MAPDA: variants seen among roughly 807,000 people sequenced by gnomAD.
MAPDA encodes N6,N6-dimethyl-AMP deaminase.
the MAPDA span, among the ~76,000 whole-genome samples, chr15:43,332,687 A>T: frequency 1.3e-5 from 2 of 152,194 alleles, no homozygotes; most frequent in Non-Finnish European, 2.9e-5. Flanking sequence ...ACTATCTAAG[A>T]CACCACAGTG....
the MAPDA span, among the ~76,000 whole-genome samples, chr15:43,346,178 C>T: frequency 6.6e-6 from 1 of 151,924 alleles, no homozygotes; most frequent in Non-Finnish European, 1.5e-5. Flanking sequence ...CAATTAAGTA[C>T]CCTAAAAGAA....
At chr15:43,348,041 C>T in the MAPDA span, among the ~76,000 whole-genome samples, 1 of 152,198 alleles carries the variant, frequency 6.6e-6, no homozygotes, top group Non-Finnish European at 1.5e-5. Context: ...TATCTCTGGC[C>T]TTGTGTGCAA....
the MAPDA span, chr15:43,335,968 AT>A: frequency 2.5e-5 from 25 of 999,576 alleles, no homozygotes; most frequent in East Asian, 5.4e-5. Flanking sequence ...AACATACAAC[AT>A]TTTTTTCCAG....
the MAPDA span, chr15:43,352,058 G>A: frequency 9.0e-7 from 1 of 1,105,442 alleles, no homozygotes; most frequent in East Asian, 2.6e-5. Context: ...AGTTCCTTGG[G>A]CTCTATCACC....
At chr15:43,330,366 C>T in the MAPDA span, 8 of 1,604,486 alleles carry the variant, frequency 5.0e-6, no homozygotes, top group Non-Finnish European at 6.8e-6. Context: ...GCGCCCGGAA[C>T]CAGCAACGCG....
chr15:43,340,437 C>A, the MAPDA span: 1 of 1,139,584 alleles, frequency 8.8e-7, no homozygotes, highest in Non-Finnish European at 1.3e-6. Flanking sequence ...GAATATGAAG[C>A]ACTAACTTTT....
chr15:43,343,684 A>G, the MAPDA span, among the ~76,000 whole-genome samples: 1 of 152,016 alleles, frequency 6.6e-6, no homozygotes, highest in Non-Finnish European at 1.5e-5. Flanking sequence ...TAGTTTGTAT[A>G]TATGCCCACC....
the MAPDA span, chr15:43,332,170 G>A: frequency 6.6e-6 from 1 of 152,190 alleles, no homozygotes; most frequent in African/African-American, 2.4e-5. Context: ...ATTTGCACCT[G>A]ATGGCTTCTG....
At chr15:43,345,712 A>G in the MAPDA span, 4 of 954,216 alleles carry the variant, frequency 4.2e-6, no homozygotes, top group East Asian at 2.5e-5. Flanking sequence ...GTAAAATGTC[A>G]TGTTGTCTAG....
At chr15:43,340,251 A>G in the MAPDA span, 2 of 1,611,990 alleles carry the variant, frequency 1.2e-6, no homozygotes. Context: ...TGTGTACGTT[A>G]TCTTTATTAT....
the MAPDA span, chr15:43,333,526 CTATT>C: frequency 6.6e-6 from 1 of 151,704 alleles, no homozygotes; most frequent in Non-Finnish European, 1.5e-5. Flanking sequence ...TCATTTTTTA[CTATT>C]TATTAAGCAC....
chr15:43,338,653 A>C, the MAPDA span, among the ~76,000 whole-genome samples: 3 of 152,204 alleles, frequency 2.0e-5, no homozygotes, highest in Non-Finnish European at 4.4e-5. Flanking sequence ...ATTTGAATAG[A>C]TATTCTCAGT....
At chr15:43,334,937 T>A in the MAPDA span, 1 of 521,808 alleles carries the variant, frequency 1.9e-6, no homozygotes. Context: ...TAACATTTGT[T>A]AAAATAGGTG....
Sources: allele counts gnomAD v4.1 joint callset (sites outside exome capture counted in the v4.1 genomes callset), GRCh38; gene constraint gnomAD v4.1.1; transcripts MANE v1.5; gene names NCBI Gene and HGNC (gene_info 2026-07-23, HGNC 2026-07-21).